CIMAP1A: variants seen among roughly 807,000 people sequenced by gnomAD.
CIMAP1A encodes the protein ciliary microtubule associated protein 1A.
At chr11:198,062 C>G in the CIMAP1A span, 314,742 of 1,544,052 alleles carry the variant, frequency 0.2, 35,607 homozygotes, top group Non-Finnish European at 0.23. Context: ...TGGACACCCC[C>G]TGACCCGACT....
At chr11:200,019 G>A in the CIMAP1A span, 2 of 1,614,024 alleles carry the variant, frequency 1.2e-6, no homozygotes, top group African/African-American at 2.7e-5. Context: ...TCCCCTGCTG[G>A]TTGATGTGGA....
the CIMAP1A span, chr11:198,026 C>T: frequency 1.3e-6 from 2 of 1,539,036 alleles, no homozygotes; most frequent in Non-Finnish European, 1.7e-6. Context: ...TTTGTCTCAC[C>T]AGCCCTGAAG....
the CIMAP1A span, chr11:199,335 G>A: frequency 1.3e-6 from 2 of 1,554,708 alleles, no homozygotes; most frequent in Non-Finnish European, 8.7e-7. Flanking sequence ...GCCCTGGGTA[G>A]GCCGAGTTGG....
chr11:198,918 T>G, the CIMAP1A span: 1 of 1,208,742 alleles, frequency 8.3e-7, no homozygotes, highest in Non-Finnish European at 1.0e-6. Context: ...ATGAGCTATT[T>G]GGGGGAGGAG....
chr11:198,619 C>A, the CIMAP1A span: 4 of 1,574,426 alleles, frequency 2.5e-6, no homozygotes, highest in Admixed American at 1.8e-5. Flanking sequence ...CAGAGAATCA[C>A]CCCCAACCAT....
chr11:199,043 T>G, the CIMAP1A span: 6 of 1,226,712 alleles, frequency 4.9e-6, no homozygotes, highest in Non-Finnish European at 6.2e-6. Flanking sequence ...TCGTCCATGT[T>G]GATTTTGCCA....
the CIMAP1A span, chr11:199,193 C>T: frequency 1.4e-6 from 2 of 1,434,708 alleles, no homozygotes; most frequent in African/African-American, 1.4e-5. Context: ...CATGAGGTAC[C>T]CCACAAGCAG....
At chr11:199,450 G>A in the CIMAP1A span, 1 of 1,565,870 alleles carries the variant, frequency 6.4e-7, no homozygotes, top group Non-Finnish European at 8.7e-7. Flanking sequence ...GGCTGCCCGT[G>A]TGGAGCCCCC....
the CIMAP1A span, chr11:199,981 T>A: frequency 6.2e-7 from 1 of 1,614,104 alleles, no homozygotes; most frequent in South Asian, 1.1e-5. Flanking sequence ...GTTGTCACCT[T>A]CGGCATCAAA....
chr11:199,270 A>G, the CIMAP1A span: 2 of 1,509,662 alleles, frequency 1.3e-6, no homozygotes, highest in Non-Finnish European at 1.8e-6. Context: ...ACCAACTTGT[A>G]GCTGACCCTG....
the CIMAP1A span, chr11:199,280 G>C: frequency 6.6e-7 from 1 of 1,519,958 alleles, no homozygotes; most frequent in Non-Finnish European, 8.9e-7. Flanking sequence ...AGCTGACCCT[G>C]TTGACTCAGA....
the CIMAP1A span, chr11:197,346 C>T: frequency 6.3e-7 from 1 of 1,594,302 alleles, no homozygotes; most frequent in East Asian, 2.3e-5. Context: ...GGCCCCATCG[C>T]CCCCGGGGAC....
chr11:198,232 T>A, the CIMAP1A span: 1 of 1,614,024 alleles, frequency 6.2e-7, no homozygotes, highest in South Asian at 1.1e-5. Context: ...ACCAAGTACG[T>A]GTTCGACTCA....
At chr11:197,528 C>A in the CIMAP1A span, 2 of 1,607,944 alleles carry the variant, frequency 1.2e-6, no homozygotes, top group Non-Finnish European at 1.7e-6. Flanking sequence ...GCAGGTCAGG[C>A]TCCGGGCTGC....
the CIMAP1A span, chr11:197,279 C>T: frequency 1.2e-4 from 179 of 1,514,270 alleles, 2 homozygotes; most frequent in East Asian, 4.3e-3. Flanking sequence ...ACCTGGTAAC[C>T]CTCTCACTTA....
chr11:198,085 G>A, the CIMAP1A span: 1 of 1,548,696 alleles, frequency 6.5e-7, no homozygotes. Flanking sequence ...GTCACCACCT[G>A]TGTTGGAGCC....
the CIMAP1A span, chr11:197,389 A>G: frequency 6.2e-7 from 1 of 1,601,294 alleles, no homozygotes; most frequent in South Asian, 1.1e-5. Flanking sequence ...CCCTGGACCC[A>G]AGTACCTGAT....
the CIMAP1A span, chr11:198,441 G>A: frequency 6.2e-7 from 1 of 1,613,244 alleles, no homozygotes. Context: ...GTTCCGGCCT[G>A]AGGCTCCACG....
At chr11:197,480 G>A in the CIMAP1A span, 1 of 1,592,018 alleles carries the variant, frequency 6.3e-7, no homozygotes, top group African/African-American at 1.3e-5. Flanking sequence ...CCCGGGAAGG[G>A]CCTGGGGCTC....
Sources: allele counts gnomAD v4.1 joint callset, GRCh38; gene constraint gnomAD v4.1.1; transcripts MANE v1.5; gene names NCBI Gene and HGNC (gene_info 2026-07-23, HGNC 2026-07-21).